Variants in EPHA6 observed in about 807,000 individuals in gnomAD.
EPHA6 encodes the protein EPH receptor A6, also known as ephrin type-A receptor 6.
EPHA6 carries 50 observed loss-of-function variants against 112.0 expected under a neutral mutation model. That is an observed-to-expected ratio of 0.45 (90% CI 0.36 to 0.56). The LOEUF (loss-of-function observed/expected upper bound fraction) is 0.56, where lower values mean the gene tolerates loss of function less well. Ranked by LOEUF, EPHA6 falls within the 20% of genes least tolerant of loss-of-function variation. The pLI, the probability that EPHA6 is intolerant of heterozygous loss-of-function variation, is 0.00. For synonymous variants in EPHA6, 529 were observed against 490.7 expected (o/e 1.08, Z -1.03); for missense variants, 1,280 against 1,417.4 (o/e 0.90, Z 1.56).
chr3:97,390,307 T>C (rs1264688391), intron 5 of EPHA6, among the ~76,000 whole-genome samples: 2 of 152,040 alleles, frequency 1.3e-5, no homozygotes, highest in African/African-American at 4.8e-5. Flanking sequence ...CTGGCAGGAA[T>C]ACCAGCATCT....
intron 11 of EPHA6, among the ~76,000 whole-genome samples, chr3:97,535,119 T>A (rs1177816261): frequency 6.6e-6 from 1 of 152,010 alleles, no homozygotes; most frequent in Non-Finnish European, 1.5e-5. Context: ...TCATTTATCC[T>A]ACATCAACTA....
chr3:97,224,618 C>A lies in EPHA6; in HGVS notation c.1115-1646C>A, dbSNP rs1345538081. Among the ~76,000 whole-genome samples the A allele has an allele frequency of 2.0e-5, 3 of 151,972 alleles. No homozygotes were observed. The East Asian group carries it at 5.8e-4, about 29-fold the overall frequency. ...TTCTTCTTTATGTGTCTTATAGGTT[C>A]TATATATGTACATGTAAAAATATCT... On this transcript the variant is annotated intron_variant, in intron 3 of 17. Transcript: ENST00000389672.
chr3:97,328,038 T>G (rs1308397177), intron 5 of EPHA6, among the ~76,000 whole-genome samples: 1 of 99,540 alleles, frequency 1.0e-5, no homozygotes, highest in Non-Finnish European at 1.9e-5. Flanking sequence ...TGTGTATATA[T>G]ACACACATAT....
chr3:97,434,512 TAA>T (rs1437257161), intron 6 of EPHA6, among the ~76,000 whole-genome samples: 2 of 152,138 alleles, frequency 1.3e-5, no homozygotes, highest in East Asian at 3.9e-4. Flanking sequence ...TTATTTTGGT[TAA>T]GTTTTGTGTG....
chr3:97,261,930 T>C lies in EPHA6; in HGVS notation c.1606+17643T>C, dbSNP rs546645404. Among the ~76,000 whole-genome samples the C allele has an allele frequency of 6.3e-4, 96 of 152,180 alleles. 1 individual carries two copies. Among genetic ancestry groups the C allele is most frequent in the African/African-American group, 2.3e-3 (94 of 41,530 alleles). ...AGAATTTATAAGCAAGAAATCTGGGTCCAAAGAGTGAGCTCTTAACCATTA... is the reference window on the plus strand; with the variant it reads ...AGAATTTATAAGCAAGAAATCTGGGCCCAAAGAGTGAGCTCTTAACCATTA... On this transcript the variant is annotated intron_variant, in intron 5 of 17. Coordinates refer to ENST00000389672, the MANE Select transcript of EPHA6 (RefSeq NM_001080448.3).
intron 2 of EPHA6, among the ~76,000 whole-genome samples, chr3:96,871,399 G>A (rs2107472886): frequency 6.6e-6 from 1 of 152,042 alleles, no homozygotes; most frequent in South Asian, 2.1e-4. Context: ...ATTATCATTA[G>A]GAGTAGTGCA....
chr3:97,611,348 G>A (rs1044938436), intron 13 of EPHA6, among the ~76,000 whole-genome samples: 2 of 151,714 alleles, frequency 1.3e-5, no homozygotes, highest in Non-Finnish European at 2.9e-5. Context: ...GAAAACAAAG[G>A]GAGGAGGAAT....
intron 8 of EPHA6, 48 bp from the exon 9 acceptor site, chr3:97,479,246 T>C: frequency 8.4e-7 from 1 of 1,195,768 alleles, no homozygotes; most frequent in Non-Finnish European, 1.2e-6. Flanking sequence ...TTGCATTGTA[T>C]GCATCATACT....
At chr3:97,280,371 A>G (rs1307625362) in intron 5 of EPHA6, among the ~76,000 whole-genome samples, 5 of 152,244 alleles carry the variant, frequency 3.3e-5, no homozygotes, top group African/African-American at 1.2e-4. Context: ...AAGTGCTCAA[A>G]TAATATTATT....
chr3:97,200,045 G>A (rs2077541083), intron 3 of EPHA6, among the ~76,000 whole-genome samples: 1 of 152,042 alleles, frequency 6.6e-6, no homozygotes, highest in African/African-American at 2.4e-5. Flanking sequence ...CAAAGGCTCT[G>A]GAGAGTGCAG....
At chr3:97,025,376 G>T (rs1169835716) in intron 3 of EPHA6, among the ~76,000 whole-genome samples, 1 of 152,080 alleles carries the variant, frequency 6.6e-6, no homozygotes, top group Non-Finnish European at 1.5e-5. Context: ...TTAGTACTTT[G>T]GGTAGAAAAA....
At chr3:97,182,923 T>C (rs2077030103) in intron 3 of EPHA6, among the ~76,000 whole-genome samples, 1 of 152,196 alleles carries the variant, frequency 6.6e-6, no homozygotes, top group African/African-American at 2.4e-5. Flanking sequence ...AAGACAAAAA[T>C]TTGTAATAAA....
chr3:97,096,085 G>C (rs1216307368), intron 3 of EPHA6, among the ~76,000 whole-genome samples: 1 of 151,946 alleles, frequency 6.6e-6, no homozygotes, highest in Non-Finnish European at 1.5e-5. Flanking sequence ...TATTGATTAA[G>C]TCTTTTTGAG....
chr3:97,252,846 A>T (rs1576775904), intron 5 of EPHA6, among the ~76,000 whole-genome samples: 1 of 152,368 alleles, frequency 6.6e-6, no homozygotes, highest in East Asian at 1.9e-4. Context: ...AGAGCTGTGC[A>T]TCTGCACAAG....
chr3:97,455,496 T>G (rs1261796045), intron 7 of EPHA6, among the ~76,000 whole-genome samples: 8 of 152,082 alleles, frequency 5.3e-5, no homozygotes, highest in Non-Finnish European at 8.8e-5. Flanking sequence ...TTCAGTACTT[T>G]CACTTTTCTT....
At chr3:97,202,752 G>C (rs182317941) in intron 3 of EPHA6, among the ~76,000 whole-genome samples, 151 of 152,240 alleles carry the variant, frequency 9.9e-4, no homozygotes, top group African/African-American at 2.7e-3. Flanking sequence ...CACTTTCTGA[G>C]CAAACCCCTA....
At chr3:97,530,391 A>G (rs2092681909) in intron 10 of EPHA6, among the ~76,000 whole-genome samples, 1 of 152,064 alleles carries the variant, frequency 6.6e-6, no homozygotes, top group South Asian at 2.1e-4. Context: ...GGAATAACTT[A>G]GCGCAGATAC....
chr3:97,047,499 CAAAAAAA>C (rs556388538), intron 3 of EPHA6, among the ~76,000 whole-genome samples: 2 of 46,452 alleles, frequency 4.3e-5, no homozygotes, highest in Admixed American at 2.3e-4. Flanking sequence ...GACTCTGTCT[CAAAAAAA>C]AAAAAAAAAA....
intron 3 of EPHA6, among the ~76,000 whole-genome samples, chr3:97,003,518 G>T (rs1162890438): frequency 2.0e-5 from 3 of 152,096 alleles, no homozygotes; most frequent in African/African-American, 4.8e-5. Context: ...AGAGTTTCTT[G>T]TTGCTTTAAA....
Sources: gnomAD v4.1 joint callset for allele counts (sites outside exome capture counted in the v4.1 genomes callset) on GRCh38, gnomAD v4.1.1 for gene constraint, MANE v1.5 for transcripts, NCBI Gene and HGNC (gene_info 2026-07-23, HGNC 2026-07-21) for gene names.